AGBL4: variants seen among roughly 807,000 people sequenced by gnomAD.
AGBL4 encodes cytosolic carboxypeptidase 6.
In AGBL4, 58 loss-of-function variants were observed where a neutral mutation model predicts 66.4. The ratio of observed to expected loss-of-function variants is 0.87; its 90% CI spans 0.71 to 1.09. The LOEUF (loss-of-function observed/expected upper bound fraction) is 1.09. AGBL4 is among the 50% of genes least tolerant of loss of function. The probability of loss-of-function intolerance (pLI) is 0.00; values close to 1 mark genes in which losing one functional copy is unlikely to be tolerated. For missense variants in AGBL4, 579 were observed against 631.0 expected, an observed-to-expected ratio of 0.92 and a Z score of 0.88; for synonymous variants, 234 against 222.9, an observed-to-expected ratio of 1.05 and a Z score of -0.44.
intron 1 of AGBL4, among the ~76,000 whole-genome samples, chr1:49,935,105 C>T (rs756157500): frequency 6.6e-6 from 1 of 152,198 alleles, no homozygotes; most frequent in African/African-American, 2.4e-5. Context: ...CAGACAGCAC[C>T]TGGAAAATCA....
intron 5 of AGBL4, among the ~76,000 whole-genome samples, chr1:48,995,023 A>C (rs1227568326): frequency 6.6e-6 from 1 of 152,228 alleles, no homozygotes; most frequent in Non-Finnish European, 1.5e-5. Context: ...AAATTTGTTT[A>C]TTTGGCTGCT....
At chr1:48,740,371 G>A (rs1015833070) in intron 6 of AGBL4, among the ~76,000 whole-genome samples, 1 of 152,124 alleles carries the variant, frequency 6.6e-6, no homozygotes. Context: ...TAATTATAGA[G>A]GAGTCCCTTC....
chr1:48,973,083 A>G (rs1659043793), intron 5 of AGBL4, among the ~76,000 whole-genome samples: 1 of 152,166 alleles, frequency 6.6e-6, no homozygotes. Flanking sequence ...CGTAAACAGA[A>G]TAAAGGTTAC....
chr1:49,452,185 T>C (rs1309483251), intron 3 of AGBL4, among the ~76,000 whole-genome samples: 1 of 151,886 alleles, frequency 6.6e-6, no homozygotes, highest in African/African-American at 2.4e-5. Flanking sequence ...CAAATCTGTT[T>C]TATTATGCTT....
intron 3 of AGBL4, among the ~76,000 whole-genome samples, chr1:49,480,719 A>C (rs1646938611): frequency 6.6e-6 from 1 of 152,030 alleles, no homozygotes; most frequent in South Asian, 2.1e-4. Context: ...GCCCCTGCTT[A>C]CGTCCTGAAT....
intron 2 of AGBL4, among the ~76,000 whole-genome samples, chr1:49,702,242 C>T (rs1250161783): frequency 6.6e-6 from 1 of 152,126 alleles, no homozygotes; most frequent in Non-Finnish European, 1.5e-5. Context: ...CCTGTAATCC[C>T]AGCACTTTGG....
intron 6 of AGBL4, among the ~76,000 whole-genome samples, chr1:48,769,069 T>G (rs371008408): frequency 6.6e-6 from 1 of 152,216 alleles, no homozygotes; most frequent in Non-Finnish European, 1.5e-5. Context: ...CTCTTGATTT[T>G]CTTTTCTGTA....
At chr1:48,590,793 T>TG (rs1230005944) in intron 10 of AGBL4, 40 bp downstream of exon 10, 2 of 1,559,318 alleles carry the variant, frequency 1.3e-6, no homozygotes, top group Non-Finnish European at 1.7e-6. Context: ...AGGCAGGGTG[T>TG]GGGGGGCTGG....
intron 6 of AGBL4, chr1:48,742,816 T>A: frequency 6.9e-7 from 1 of 1,446,036 alleles, no homozygotes; most frequent in Non-Finnish European, 9.2e-7. Context: ...CCAAGGAAAA[T>A]AAAAGGCAAA....
rs1644072068 is a variant in AGBL4, at chr1:49,562,405, T to A, written c.282+134908A>T. ...GCCCATGCCTATGTCCTGAATGGTA[T>A]TGCCTAGGTTTTCTTCTAGGGTTTT... On this transcript the variant is annotated intron_variant, in intron 3 of 13. Transcript: ENST00000371839. Among the ~76,000 whole-genome samples the A allele has an allele frequency of 2.0e-5, 3 of 152,158 alleles. No individual in the cohort carries two copies. In the South Asian group the frequency reaches 6.2e-4, roughly 32 times the overall value.
intron 2 of AGBL4, 92 bp from the exon 3 acceptor site, chr1:49,697,529 C>T: frequency 9.7e-7 from 1 of 1,026,250 alleles, no homozygotes; most frequent in Non-Finnish European, 1.4e-6. Context: ...CTGATAGTGG[C>T]ATTTGTCAAC....
intron 2 of AGBL4, among the ~76,000 whole-genome samples, chr1:49,717,015 G>T (rs1571394936): frequency 6.6e-6 from 1 of 151,996 alleles, no homozygotes; most frequent in African/African-American, 2.4e-5. Context: ...CATGATCATA[G>T]ATTTAGAAAA....
At chr1:49,920,608 T>G (rs988352973) in intron 1 of AGBL4, among the ~76,000 whole-genome samples, 1 of 151,958 alleles carries the variant, frequency 6.6e-6, no homozygotes, top group Non-Finnish European at 1.5e-5. Context: ...CTGGAGAGGA[T>G]GTGGAGAAAT....
chr1:49,394,103 A>G (rs1644906288), intron 3 of AGBL4, among the ~76,000 whole-genome samples: 1 of 151,826 alleles, frequency 6.6e-6, no homozygotes, highest in Admixed American at 6.6e-5. Context: ...GATATTTGGG[A>G]TCAAAAGTGT....
chr1:49,906,994 T>C (rs921347344), intron 1 of AGBL4, among the ~76,000 whole-genome samples: 15 of 152,178 alleles, frequency 9.9e-5, no homozygotes, highest in African/African-American at 3.6e-4. Flanking sequence ...AATATAAGTT[T>C]CTAATCCCTT....
intron 2 of AGBL4, among the ~76,000 whole-genome samples, chr1:49,745,645 A>G (rs1423086953): frequency 2.6e-5 from 4 of 151,968 alleles, no homozygotes; most frequent in Non-Finnish European, 5.9e-5. Flanking sequence ...ATGTCAATCC[A>G]TCAGGAAAAT....
At chr1:48,803,520 C>T (rs1365759195) in intron 6 of AGBL4, among the ~76,000 whole-genome samples, 1 of 152,168 alleles carries the variant, frequency 6.6e-6, no homozygotes, top group African/African-American at 2.4e-5. Context: ...GATAATAAAT[C>T]CCTCTGTAAA....
At chr1:48,965,606 G>C (rs1266418498) in intron 5 of AGBL4, among the ~76,000 whole-genome samples, 1 of 152,082 alleles carries the variant, frequency 6.6e-6, no homozygotes, top group South Asian at 2.1e-4. Context: ...CCTGGTCTTC[G>C]TTAAGGTGCC....
At chr1:49,608,261 T>A (rs1319064703) in intron 3 of AGBL4, among the ~76,000 whole-genome samples, 1 of 152,160 alleles carries the variant, frequency 6.6e-6, no homozygotes, top group Non-Finnish European at 1.5e-5. Context: ...TAAATACAAA[T>A]ATTTTTTAAA....
Sources: allele counts gnomAD v4.1 joint callset (sites outside exome capture counted in the v4.1 genomes callset), GRCh38; gene constraint gnomAD v4.1.1; transcripts MANE v1.5; gene names NCBI Gene and HGNC (gene_info 2026-07-23, HGNC 2026-07-21).